HCN1: variants seen among roughly 807,000 people sequenced by gnomAD.
HCN1 encodes hyperpolarization activated cyclic nucleotide gated potassium channel 1, also known as potassium/sodium hyperpolarization-activated cyclic nucleotide-gated channel 1.
A neutral mutation model predicts 78.9 loss-of-function variants in HCN1; 13 were observed. That is an observed-to-expected ratio of 0.16 (90% CI 0.11 to 0.26). The LOEUF (loss-of-function observed/expected upper bound fraction) is 0.26. Ranked by LOEUF, HCN1 falls within the 10% of genes least tolerant of loss-of-function variation. The pLI, the probability that HCN1 is intolerant of heterozygous loss-of-function variation, is 1.00. For synonymous variants in HCN1, 552 were observed against 455.5 expected (o/e 1.21, Z -2.70); for missense variants, 810 against 1,154.3 (o/e 0.70, Z 4.32).
chr5:45,607,598 T>TATAG lies in HCN1; in HGVS notation c.849+37583_849+37586dup, dbSNP rs1554035499. 1.6e-3 allele frequency among the ~76,000 whole-genome samples: 242 copies of TATAG among 146,706 alleles called. 2 individuals carry two copies. In the South Asian group the frequency reaches 0.021, roughly 13 times the overall value. On this transcript the variant is annotated intron_variant, in intron 2 of 7. Transcript: ENST00000303230. ...ATATCATTATATATATATATATATC[T>TATAG]ATAGATAGATCCAGATATATCTAGA... is the stretch of plus-strand genomic sequence containing the variant.
At chr5:45,484,178 A>T (rs1561171612) in intron 2 of HCN1, among the ~76,000 whole-genome samples, 1 of 152,158 alleles carries the variant, frequency 6.6e-6, no homozygotes, top group Non-Finnish European at 1.5e-5. Flanking sequence ...CATGCCTGTA[A>T]TCCCATCACT....
chr5:45,374,133 TTATA>T (rs1156755404), intron 4 of HCN1, among the ~76,000 whole-genome samples: 1 of 114,868 alleles, frequency 8.7e-6, no homozygotes, highest in South Asian at 2.3e-4. Context: ...ATAATATATA[TTATA>T]TACATATTAT....
intron 4 of HCN1, among the ~76,000 whole-genome samples, chr5:45,368,671 C>T (rs189905801): frequency 4.0e-5 from 6 of 151,880 alleles, no homozygotes; most frequent in Non-Finnish European, 8.8e-5. Context: ...TAACATTTAA[C>T]GCATCCAAAG....
Position 45,318,423 on chromosome 5 carries a change from G to A in HCN1, c.1378-14584C>T, listed in dbSNP as rs546204466. ...ACACCAGGGCCTGTCGTGGGGTGGG[G>A]GAGGGAGGAAGGATAGCATTGGAAG... On this transcript the variant is annotated intron_variant, in intron 5 of 7. Transcript: ENST00000303230. Among the ~76,000 whole-genome samples, 6 of 152,150 alleles carry A rather than the reference G, an allele frequency of 3.9e-5. No homozygotes were observed. The South Asian group carries it at 1.0e-3, about 26-fold the overall frequency.
At chr5:45,323,375 C>T (rs1406447244) in intron 5 of HCN1, among the ~76,000 whole-genome samples, 1 of 151,758 alleles carries the variant, frequency 6.6e-6, no homozygotes, top group African/African-American at 2.4e-5. Flanking sequence ...AACTACTAGA[C>T]AATTTAAATT....
chr5:45,255,560 G>C lies in HCN1; in HGVS notation c.*6361C>G, dbSNP rs1409989894. On this transcript the variant is annotated 3_prime_UTR_variant, in exon 8 of 8. Transcript: ENST00000303230. ...ACAGTGAGGCACGCAAGAACATTTA[G>C]AACTGCACATTTTAAACAGAATTGT... 1 of 152,126 alleles carries C rather than the reference G, an allele frequency of 6.6e-6. No individual in the cohort carries two copies. The highest frequency in any genetic ancestry group is 1.9e-4 in the East Asian group (1 of 5,196). The allele number at this position is 152,126 out of a possible 1,614,324, so 9.4% of individuals were successfully genotyped here. A position where few individuals can be genotyped will look rare whatever the true frequency, so the allele number is the denominator to read the frequency against.
intron 2 of HCN1, among the ~76,000 whole-genome samples, chr5:45,504,235 T>C (rs866019180): frequency 1.8e-4 from 28 of 152,302 alleles, no homozygotes; most frequent in African/African-American, 6.7e-4. Context: ...TATCTCCTAA[T>C]GCTTTCCCTC....
At chr5:45,375,113 T>C (rs1359475523) in intron 4 of HCN1, among the ~76,000 whole-genome samples, 1 of 124,048 alleles carries the variant, frequency 8.1e-6, no homozygotes, top group Non-Finnish European at 1.6e-5. Context: ...TTATAATATA[T>C]AATATATTAT....
At chr5:45,345,178 T>A (rs1746675030) in intron 5 of HCN1, among the ~76,000 whole-genome samples, 2 of 152,158 alleles carry the variant, frequency 1.3e-5, no homozygotes, top group African/African-American at 4.8e-5. Context: ...TTGGCCCCTT[T>A]TATCAATGGC....
chr5:45,321,356 T>C (rs551756445), intron 5 of HCN1, among the ~76,000 whole-genome samples: 2 of 151,820 alleles, frequency 1.3e-5, no homozygotes, highest in Admixed American at 6.6e-5. Context: ...CTTCAACATA[T>C]GCAGAAGAAG....
At chr5:45,272,894 C>A (rs923182052) in intron 6 of HCN1, among the ~76,000 whole-genome samples, 1 of 151,996 alleles carries the variant, frequency 6.6e-6, no homozygotes, top group African/African-American at 2.4e-5. Context: ...AGATTCAGTG[C>A]AGTTTACAGA....
chr5:45,314,953 A>G (rs1579803514), intron 5 of HCN1, among the ~76,000 whole-genome samples: 1 of 152,170 alleles, frequency 6.6e-6, no homozygotes, highest in East Asian at 1.9e-4. Flanking sequence ...AGACTCCCAA[A>G]CAATAATAAT....
chr5:45,314,163 T>C (rs1444671085), intron 5 of HCN1, among the ~76,000 whole-genome samples: 1 of 152,074 alleles, frequency 6.6e-6, no homozygotes, highest in Non-Finnish European at 1.5e-5. Flanking sequence ...ACAGCGAATC[T>C]CTCGGCAGAA....
chr5:45,627,842 T>C (rs960436669), intron 2 of HCN1, among the ~76,000 whole-genome samples: 1 of 152,174 alleles, frequency 6.6e-6, no homozygotes, highest in Non-Finnish European at 1.5e-5. Flanking sequence ...CATGAGCTTG[T>C]GTACAAGAAA....
intron 2 of HCN1, among the ~76,000 whole-genome samples, chr5:45,485,792 G>A (rs1195194199): frequency 6.6e-6 from 1 of 152,150 alleles, no homozygotes; most frequent in Non-Finnish European, 1.5e-5. Context: ...ATATTCTCAT[G>A]TGGTGTGCAG....
At chr5:45,537,882 TAA>T (rs1743003825) in intron 2 of HCN1, among the ~76,000 whole-genome samples, 1 of 152,120 alleles carries the variant, frequency 6.6e-6, no homozygotes. Context: ...ATGTCAATTT[TAA>T]AAGATAGTAC....
rs545077434 is a variant in HCN1 at position 45,282,218 on chromosome 5, T to C, written c.1619-14965A>G. Among the ~76,000 whole-genome samples, 26 of 152,292 alleles carry C rather than the reference T, an allele frequency of 1.7e-4. No individual in the cohort carries two copies. The South Asian group carries it at 4.6e-3, about 27-fold the overall frequency. ...ATTGAAAACTACTTTGTAGTTACAT[T>C]GACAATATTGTTTCATTTGTGCTCC... On this transcript the variant is annotated intron_variant, in intron 6 of 7. Transcript: ENST00000303230.
chr5:45,376,082 AT>A (rs1747646885), intron 4 of HCN1, among the ~76,000 whole-genome samples: 1 of 109,078 alleles, frequency 9.2e-6, no homozygotes, highest in Non-Finnish European at 1.6e-5. Context: ...TATAATATAT[AT>A]TATATTATAT....
Position 45,303,818 on chromosome 5 carries a change from G to A in HCN1, c.1399C>T (p.Arg467Trp), listed in dbSNP as rs1745674495. Residue 467 changes from arginine to tryptophan, a missense_variant, in exon 6 of 8, where the codon CGG becomes TGG. Arg to Trp is a moderately radical substitution (Grantham distance 101, BLOSUM62 -3). Coordinates refer to ENST00000303230, the MANE Select transcript of HCN1 (RefSeq NM_021072.4). Reference sequence around the variant, plus strand: ...AAAGGCATTGTAGCCACCAGTTTCCGACAGTTGAAGTTGACTATCTCCTAA... The same window carrying A: ...AAAGGCATTGTAGCCACCAGTTTCCAACAGTTGAAGTTGACTATCTCCTAA... The part of the protein sequence containing the change: ...LREEIVNFNC[R>W]KLVATMPLFA... The A allele has an allele frequency of 6.2e-7, 1 of 1,613,084 alleles. No individual in the cohort carries two copies. The highest frequency in any genetic ancestry group is 8.5e-7 in the Non-Finnish European group (1 of 1,179,284).
Sources: gnomAD v4.1 joint callset for allele counts (sites outside exome capture counted in the v4.1 genomes callset) on GRCh38, gnomAD v4.1.1 for gene constraint, MANE v1.5 for transcripts, NCBI Gene and HGNC (gene_info 2026-07-23, HGNC 2026-07-21) for gene names.